Variants in NOL4L observed in about 807,000 individuals in gnomAD.
The protein encoded by NOL4L is nucleolar protein 4 like.
In NOL4L, 7 loss-of-function variants were observed where a neutral mutation model predicts 64.5. The observed-to-expected ratio is 0.11, with a 90% CI of 0.06 to 0.20. The LOEUF (loss-of-function observed/expected upper bound fraction) is 0.20, where lower values mean the gene tolerates loss of function less well. Among genes scored for constraint, NOL4L ranks in the 10% least tolerant of loss-of-function variants. The pLI is 1.00. For missense variants in NOL4L, 680 were observed against 967.1 expected, an observed-to-expected ratio of 0.70 and a Z score of 3.94; for synonymous variants, 413 against 401.0, an observed-to-expected ratio of 1.03 and a Z score of -0.36.
At chr20:32,579,203 T>C (rs575743250) in intron 1 of NOL4L, among the ~76,000 whole-genome samples, 109 of 152,260 alleles carry the variant, frequency 7.2e-4, no homozygotes, top group African/African-American at 2.5e-3. Flanking sequence ...CTCACATAGA[T>C]GCCGACAAAC....
chr20:32,487,980 A>G (rs1483767050), intron 4 of NOL4L, among the ~76,000 whole-genome samples: 1 of 149,968 alleles, frequency 6.7e-6, no homozygotes. Context: ...CCTAGGCTGG[A>G]GTGCAGTGGC....
intron 4 of NOL4L, among the ~76,000 whole-genome samples, chr20:32,501,042 G>GC (rs2016903853): frequency 6.6e-6 from 1 of 152,162 alleles, no homozygotes; most frequent in Non-Finnish European, 1.5e-5. Context: ...CTTCAGGTGT[G>GC]GGCTGCACAC....
Position 32,540,843 on chromosome 20 carries a change from A to G in NOL4L, c.322-12930T>C, listed in dbSNP as rs367751003. On this transcript the variant is annotated intron_variant, in intron 1 of 10. Coordinates refer to ENST00000621426, the MANE Select transcript of NOL4L (RefSeq NM_001256798.2). ...CAGCTCCACGCAGAACACCTGGCACACATTATCTCCCTGAGCCCTTGTCCA... is the reference window on the plus strand; with the variant it reads ...CAGCTCCACGCAGAACACCTGGCACGCATTATCTCCCTGAGCCCTTGTCCA... 2.6e-4 allele frequency among the ~76,000 whole-genome samples: 39 copies of G among 152,184 alleles called. 1 individual carries two copies. The East Asian group carries it at 5.8e-3, about 23-fold the overall frequency.
chr20:32,453,886 G>A lies in NOL4L; in HGVS notation c.1120-125C>T. The A allele has an allele frequency of 1.2e-6, 1 of 839,416 alleles. No homozygotes were observed. The highest frequency in any genetic ancestry group is 1.9e-6 in the Non-Finnish European group (1 of 537,440). 52.0% of individuals were successfully genotyped at this position (839,416 alleles called of 1,614,324 possible). On this transcript the variant is annotated intron_variant, in intron 6 of 10. Transcript: ENST00000621426. This position sits in a 1 kb window ranked among gnomAD's most constrained non-coding sequence, Gnocchi z 5.6. ...ATGCCCTGCTGCCACGAGAGCCATA[G>A]CTGCGAGGCCCTGAGCAAGTCACTC...
At chr20:32,568,073 T>C (rs183987109) in intron 1 of NOL4L, among the ~76,000 whole-genome samples, 13 of 152,014 alleles carry the variant, frequency 8.6e-5, no homozygotes, top group African/African-American at 3.1e-4. Flanking sequence ...ATCATCACCA[T>C]TAATACCACT....
At chr20:32,530,204 G>T (rs1285550869) in intron 1 of NOL4L, among the ~76,000 whole-genome samples, 1 of 152,214 alleles carries the variant, frequency 6.6e-6, no homozygotes, top group Admixed American at 6.5e-5. Flanking sequence ...CTAACCAGAG[G>T]TTCACATTGG....
chr20:32,466,979 G>A (rs1568617676), intron 5 of NOL4L, among the ~76,000 whole-genome samples: 1 of 152,146 alleles, frequency 6.6e-6, no homozygotes, highest in African/African-American at 2.4e-5. Context: ...CCCAGGGGAG[G>A]GTGGGCATCA....
At chr20:32,541,686 A>G (rs2018658596) in intron 1 of NOL4L, among the ~76,000 whole-genome samples, 1 of 152,246 alleles carries the variant, frequency 6.6e-6, no homozygotes, top group African/African-American at 2.4e-5. Flanking sequence ...GGGCCGGCCA[A>G]GACCCAGCAG....
chr20:32,559,855 C>A (rs901788996), intron 1 of NOL4L, among the ~76,000 whole-genome samples: 4 of 152,230 alleles, frequency 2.6e-5, no homozygotes, highest in Non-Finnish European at 4.4e-5. Flanking sequence ...CAAGGGACCA[C>A]GGCCAGCCCA....
At chr20:32,567,963 CCAT>C (rs966985803) in intron 1 of NOL4L, among the ~76,000 whole-genome samples, 12 of 151,708 alleles carry the variant, frequency 7.9e-5, no homozygotes, top group African/African-American at 2.4e-4. Context: ...TTCATCACCA[CCAT>C]CATCGTCACC....
Position 32,464,130 on chromosome 20 carries a change from G to T in NOL4L, c.842-7735C>A, listed in dbSNP as rs1278628863. ...CATGGCCAGGGAGGCGTGGACAGTAGGGCTATGGGCTGTGGTCTGGGGGTG... is the reference window on the plus strand; with the variant it reads ...CATGGCCAGGGAGGCGTGGACAGTATGGCTATGGGCTGTGGTCTGGGGGTG... On this transcript the variant is annotated intron_variant, in intron 5 of 10. Coordinates refer to ENST00000621426, the MANE Select transcript of NOL4L (RefSeq NM_001256798.2). The surrounding 1 kb of genome is among the most constrained non-coding windows in gnomAD (Gnocchi z 5.6). 6.6e-6 allele frequency among the ~76,000 whole-genome samples: 1 copy of T among 152,218 alleles called. No individual in the cohort carries two copies. Among genetic ancestry groups the T allele is most frequent in the East Asian group, 1.9e-4 (1 of 5,198 alleles).
At chr20:32,502,408 C>T (rs2016957021) in intron 4 of NOL4L, among the ~76,000 whole-genome samples, 1 of 150,862 alleles carries the variant, frequency 6.6e-6, no homozygotes, top group African/African-American at 2.4e-5. Context: ...GCCTGGCCAA[C>T]AGGGTGAAAC....
At chr20:32,513,038 C>G (rs1005416967) in intron 3 of NOL4L, among the ~76,000 whole-genome samples, 1 of 152,198 alleles carries the variant, frequency 6.6e-6, no homozygotes, top group African/African-American at 2.4e-5. Flanking sequence ...CTGGCCTCCT[C>G]CTCCTTCTTC....
intron 4 of NOL4L, among the ~76,000 whole-genome samples, chr20:32,505,551 T>C (rs1017490491): frequency 6.6e-6 from 1 of 151,934 alleles, no homozygotes; most frequent in Non-Finnish European, 1.5e-5. Context: ...ACCACATCTC[T>C]ACAAAAAAAA....
intron 4 of NOL4L, among the ~76,000 whole-genome samples, chr20:32,500,652 T>C (rs1027382957): frequency 6.6e-6 from 1 of 151,692 alleles, no homozygotes; most frequent in Admixed American, 6.6e-5. Flanking sequence ...CAGAGCTCCT[T>C]GGAGAAATCA....
chr20:32,536,410 C>A, intron 1 of NOL4L: 1 of 677,446 alleles, frequency 1.5e-6, no homozygotes, highest in Non-Finnish European at 1.8e-6. Flanking sequence ...GGGAGTGGGC[C>A]GCGCTAATGA....
At chr20:32,448,087 C>A (rs952394507) in intron 10 of NOL4L, among the ~76,000 whole-genome samples, 3 of 152,170 alleles carry the variant, frequency 2.0e-5, no homozygotes, top group African/African-American at 7.2e-5. Flanking sequence ...AAAGGAACTC[C>A]TAAGATCTGC....
intron 4 of NOL4L, among the ~76,000 whole-genome samples, chr20:32,477,758 C>T (rs1173521543): frequency 6.6e-6 from 1 of 152,228 alleles, no homozygotes; most frequent in Non-Finnish European, 1.5e-5. Flanking sequence ...GCCAGCCACC[C>T]CACACACAGC....
At chr20:32,525,462 T>C (rs958512783) in intron 2 of NOL4L, among the ~76,000 whole-genome samples, 6 of 152,212 alleles carry the variant, frequency 3.9e-5, no homozygotes, top group Non-Finnish European at 7.3e-5. Flanking sequence ...GCAGGTTATG[T>C]GTTTCTCTGA....
Sources: gnomAD v4.1 joint callset for allele counts (sites outside exome capture counted in the v4.1 genomes callset) on GRCh38, gnomAD v4.1.1 for gene constraint, Gnocchi (gnomAD v3.1) non-coding constraint, MANE v1.5 for transcripts, NCBI Gene and HGNC (gene_info 2026-07-23, HGNC 2026-07-21) for gene names.